Variants in EMILIN2 observed in about 807,000 individuals in gnomAD.
The protein encoded by EMILIN2 is elastin microfibril interfacer 2.
A neutral mutation model predicts 87.1 loss-of-function variants in EMILIN2; 71 were observed. That is an observed-to-expected ratio of 0.82 (90% CI 0.67 to 0.99). The LOEUF (loss-of-function observed/expected upper bound fraction) is 0.99. Among genes scored for constraint, EMILIN2 ranks in the 50% least tolerant of loss-of-function variants. The probability of loss-of-function intolerance (pLI) is 0.00; values close to 1 mark genes in which losing one functional copy is unlikely to be tolerated. For synonymous variants in EMILIN2, 581 were observed against 563.4 expected (o/e 1.03, Z -0.44); for missense variants, 1,407 against 1,371.8 (o/e 1.03, Z -0.40).
At chr18:2,863,303 T>A (rs1414176496) in intron 2 of EMILIN2, among the ~76,000 whole-genome samples, 2 of 152,236 alleles carry the variant, frequency 1.3e-5, no homozygotes, top group Non-Finnish European at 2.9e-5. Flanking sequence ...TTCTTTTAAT[T>A]GTGATGTTAG....
At chr18:2,849,238 G>C (rs1273166832) in intron 2 of EMILIN2, among the ~76,000 whole-genome samples, 1 of 152,212 alleles carries the variant, frequency 6.6e-6, no homozygotes, top group African/African-American at 2.4e-5. Flanking sequence ...CACTGTGGGA[G>C]TGATACAAAC....
intron 2 of EMILIN2, among the ~76,000 whole-genome samples, chr18:2,881,045 T>G (rs1277455144): frequency 6.6e-6 from 1 of 152,196 alleles, no homozygotes; most frequent in Non-Finnish European, 1.5e-5. Flanking sequence ...TAGGAAAGCT[T>G]CTAGCTGGCT....
At chr18:2,883,153 AG>A (rs923979929) in intron 2 of EMILIN2, among the ~76,000 whole-genome samples, 1 of 152,100 alleles carries the variant, frequency 6.6e-6, no homozygotes, top group Non-Finnish European at 1.5e-5. Flanking sequence ...GGGATTCTGC[AG>A]GGTGCCTAGC....
chr18:2,851,070 A>C (rs1486147576), intron 2 of EMILIN2, among the ~76,000 whole-genome samples: 1 of 149,824 alleles, frequency 6.7e-6, no homozygotes, highest in Non-Finnish European at 1.5e-5. Flanking sequence ...AAATGATATC[A>C]TGGGAAAAAG....
chr18:2,892,961 A>G (rs1449338905), intron 4 of EMILIN2, among the ~76,000 whole-genome samples: 1 of 151,562 alleles, frequency 6.6e-6, no homozygotes, highest in African/African-American at 2.4e-5. Flanking sequence ...CTGAGGTGGG[A>G]GAATTGCTTG....
chr18:2,874,128 C>T (rs75632044), intron 2 of EMILIN2, among the ~76,000 whole-genome samples: 64 of 126,004 alleles, frequency 5.1e-4, no homozygotes, highest in African/African-American at 1.5e-3. Context: ...TTCTTACCCC[C>T]GCATGGCCAC....
At chr18:2,904,607 C>T (rs762337446) in intron 4 of EMILIN2, among the ~76,000 whole-genome samples, 1 of 152,204 alleles carries the variant, frequency 6.6e-6, no homozygotes, top group Non-Finnish European at 1.5e-5. Flanking sequence ...CTCTGACTAT[C>T]CCTTTTGTAT....
rs753921030 is a variant in EMILIN2 at position 2,891,035 on chromosome 18, G to A, written c.908G>A (p.Gly303Asp). The change falls in exon 4 of 8, where the codon GGC (glycine) becomes GAC (aspartate). Residue 303 changes from glycine (G) to aspartate (D), a missense_variant. Coordinates refer to ENST00000254528, the MANE Select transcript of EMILIN2 (RefSeq NM_032048.3). This position sits in a 1 kb window ranked among gnomAD's most constrained non-coding sequence, Gnocchi z 4.6. ...QLRQLQEAAQ[G>D]PTVTMTTNEL... is the part of the protein sequence containing the mutation. Reference sequence around the variant, plus strand: ...AGACAGCTCCAGGAAGCAGCTCAGGGCCCGACGGTGACCATGACAACCAAC... The same window carrying A: ...AGACAGCTCCAGGAAGCAGCTCAGGACCCGACGGTGACCATGACAACCAAC... 1.9e-6 allele frequency: 3 copies of A among 1,614,066 alleles called. No individual in the cohort carries two copies. The highest frequency in any genetic ancestry group is 1.3e-5 in the African/African-American group (1 of 74,938).
intron 2 of EMILIN2, among the ~76,000 whole-genome samples, chr18:2,858,605 G>GTGTGTATATA (rs1555665480): frequency 9.3e-5 from 8 of 86,200 alleles, no homozygotes; most frequent in African/African-American, 5.8e-4. Context: ...ATATATATGT[G>GTGTGTATATA]TATATATATA....
rs144318798 is a variant in EMILIN2 at position 2,873,707 on chromosome 18, AAAATAAAT to A, written c.258-11241_258-11234del. 2.1e-3 allele frequency among the ~76,000 whole-genome samples: 313 copies of A among 151,758 alleles called. 2 individuals carry two copies. The Middle Eastern group carries it at 0.045, about 22-fold the overall frequency. ...GGGCGACAGAGCAAGACTCCATCTC[AAAATAAAT>A]AAATAAATAAATAAAAATTTAAAAA... is the stretch of plus-strand genomic sequence containing the variant. On this transcript the variant is annotated intron_variant, in intron 2 of 7. Transcript: ENST00000254528.
At chr18:2,855,111 C>G (rs533849121) in intron 2 of EMILIN2, among the ~76,000 whole-genome samples, 2 of 152,172 alleles carry the variant, frequency 1.3e-5, no homozygotes, top group African/African-American at 2.4e-5. Flanking sequence ...GCCCAGCCCT[C>G]GAGAGCTGCA....
At chr18:2,881,493 GAAAGA>G (rs2076776535) in intron 2 of EMILIN2, among the ~76,000 whole-genome samples, 1 of 152,214 alleles carries the variant, frequency 6.6e-6, no homozygotes, top group Non-Finnish European at 1.5e-5. Flanking sequence ...AAATTGCCTT[GAAAGA>G]AAAGAACAAA....
At chr18:2,897,997 G>A (rs2076871414) in intron 4 of EMILIN2, among the ~76,000 whole-genome samples, 1 of 152,100 alleles carries the variant, frequency 6.6e-6, no homozygotes, top group South Asian at 2.1e-4. Flanking sequence ...AAGGAGGCTC[G>A]AGGCCCTTTA....
intron 2 of EMILIN2, among the ~76,000 whole-genome samples, chr18:2,879,211 C>T (rs1226034848): frequency 6.6e-6 from 1 of 152,150 alleles, no homozygotes; most frequent in African/African-American, 2.4e-5. Flanking sequence ...TCATGAATCC[C>T]CAGCGCAGCC....
chr18:2,847,241 CG>C lies in EMILIN2; in HGVS notation c.54del (p.Leu19CysfsTer34). ...WPRVPWRWAL[A>X]LLALVGAGLC... ...CGCGTGCCCTGGCGCTGGGCGCTGG[CG>C]CTGCTGGCCCTGGTTGGCGCGGGGC... On this transcript the variant is annotated frameshift_variant, in exon 1 of 8. Coordinates refer to ENST00000254528, the MANE Select transcript of EMILIN2 (RefSeq NM_032048.3). LOFTEE classifies it high-confidence loss of function. This position sits in a 1 kb window ranked among gnomAD's most constrained non-coding sequence, Gnocchi z 4.5. 1 of 1,272,466 alleles carries C rather than the reference CG, an allele frequency of 7.9e-7. No individual in the cohort carries two copies. Among genetic ancestry groups the C allele is most frequent in the Non-Finnish European group, 9.9e-7 (1 of 1,011,238 alleles). 78.8% of individuals were successfully genotyped at this position (1,272,466 alleles called of 1,614,324 possible). A position where few individuals can be genotyped will look rare whatever the true frequency, so the allele number is the denominator to read the frequency against.
chr18:2,871,130 T>C (rs566769322), intron 2 of EMILIN2, among the ~76,000 whole-genome samples: 1 of 152,294 alleles, frequency 6.6e-6, no homozygotes, highest in Non-Finnish European at 1.5e-5. Flanking sequence ...AAAATATCTT[T>C]CTGGGGGGCA....
At chr18:2,901,091 T>G (rs913056656) in intron 4 of EMILIN2, among the ~76,000 whole-genome samples, 3 of 152,254 alleles carry the variant, frequency 2.0e-5, no homozygotes, top group Non-Finnish European at 4.4e-5. Flanking sequence ...AATTTCTGCC[T>G]GGATGACAGG....
intron 2 of EMILIN2, among the ~76,000 whole-genome samples, chr18:2,872,563 C>T (rs2076725386): frequency 6.6e-6 from 1 of 152,160 alleles, no homozygotes; most frequent in Admixed American, 6.5e-5. Context: ...CAGTAGCTTG[C>T]AGCTAAAATG....
chr18:2,874,874 G>T (rs961672336), intron 2 of EMILIN2, among the ~76,000 whole-genome samples: 13 of 152,202 alleles, frequency 8.5e-5, no homozygotes, highest in African/African-American at 2.9e-4. Context: ...TGAGTGACTG[G>T]CACCGTTTAC....
Sources: gnomAD v4.1 joint callset for allele counts (sites outside exome capture counted in the v4.1 genomes callset) on GRCh38, gnomAD v4.1.1 for gene constraint, Gnocchi (gnomAD v3.1) non-coding constraint, MANE v1.5 for transcripts, NCBI Gene and HGNC (gene_info 2026-07-23, HGNC 2026-07-21) for gene names.